FAAP20: variants seen among roughly 807,000 people sequenced by gnomAD.
FAAP20 encodes Fanconi anemia core complex-associated protein 20.
In FAAP20, 12 loss-of-function variants were observed where a neutral mutation model predicts 16.2. The ratio of observed to expected loss-of-function variants is 0.74; its 90% CI spans 0.48 to 1.20. The LOEUF (loss-of-function observed/expected upper bound fraction) is 1.20. Among genes scored for constraint, FAAP20 ranks in the 50% most tolerant of loss-of-function variants. The probability of loss-of-function intolerance (pLI) is 0.00; values close to 1 mark genes in which losing one functional copy is unlikely to be tolerated. For missense variants in FAAP20, 288 were observed against 245.8 expected (o/e 1.17, Z -1.15); for synonymous variants, 141 against 110.7 (o/e 1.27, Z -1.72).
downstream of FAAP20, among the ~76,000 whole-genome samples, chr1:2,186,487 T>G (rs533072849): frequency 8.8e-4 from 98 of 111,624 alleles, 1 homozygote; most frequent in African/African-American, 2.8e-3. Context: ...CCCGAGACCC[T>G]GGACACCCGC....
downstream of FAAP20, among the ~76,000 whole-genome samples, chr1:2,211,229 T>A (rs1310991729): frequency 8.3e-6 from 1 of 119,778 alleles, no homozygotes; most frequent in Non-Finnish European, 1.9e-5. Flanking sequence ...TTTCTTTCTT[T>A]TTTTTTTTTT....
upstream of FAAP20, among the ~76,000 whole-genome samples, chr1:2,202,289 C>T (rs1309815998): frequency 6.6e-6 from 1 of 152,146 alleles, no homozygotes; most frequent in Non-Finnish European, 1.5e-5. Flanking sequence ...CCATATGTGC[C>T]ACCGGACCCC....
chr1:2,202,916 G>A (rs1299843294), upstream of FAAP20, among the ~76,000 whole-genome samples: 3 of 152,160 alleles, frequency 2.0e-5, no homozygotes, highest in Non-Finnish European at 4.4e-5. Context: ...AGCAATTTCC[G>A]ACTTTGTGGT....
At chr1:2,204,471 G>C (rs1328585236), upstream of FAAP20, among the ~76,000 whole-genome samples, 2 of 152,234 alleles carry the variant, frequency 1.3e-5, no homozygotes, top group South Asian at 2.1e-4. Context: ...GGAGGACCAG[G>C]AAAAAGCCGC....
At chr1:2,193,271 ATCT>A in intron 3 of FAAP20, 1 of 409,598 alleles carries the variant, frequency 2.4e-6, no homozygotes, top group Non-Finnish European at 4.4e-6. Context: ...AAAAAAGACG[ATCT>A]TCATTTTTAA....
At chr1:2,197,953 C>T (rs535846008), upstream of FAAP20, 82 of 1,262,228 alleles carry the variant, frequency 6.5e-5, no homozygotes, top group South Asian at 1.0e-4. Flanking sequence ...GGAAGGGGAC[C>T]GGCCACTCAA....
At chr1:2,192,224 T>C (rs971429500) in intron 3 of FAAP20, 6 of 986,020 alleles carry the variant, frequency 6.1e-6, no homozygotes, top group South Asian at 9.4e-5. Flanking sequence ...CCCAAAGATA[T>C]GGGGCTTGTC....
upstream of FAAP20, chr1:2,197,909 A>G (rs564610173): frequency 4.7e-5 from 56 of 1,195,244 alleles, no homozygotes; most frequent in Non-Finnish European, 5.9e-5. Context: ...CCCGCCTGAC[A>G]GCTTCCCGAC....
downstream of FAAP20, among the ~76,000 whole-genome samples, chr1:2,185,791 C>T (rs114116988): frequency 0.014 from 2,079 of 152,322 alleles, 42 homozygotes; most frequent in African/African-American, 0.047. Flanking sequence ...AGTGCCTGCA[C>T]GATGCCTCGT....
In FAAP20 at chr1:2,189,600, C is replaced by T. The variant is rs974497876; in HGVS notation, c.*109G>A. The T allele has an allele frequency of 7.5e-6, 6 of 803,268 alleles. No homozygotes were observed. In the African/African-American group the frequency reaches 1.5e-4, roughly 20 times the overall value. The allele number at this position is 803,268 out of a possible 1,614,324, so 49.8% of individuals were successfully genotyped here. A position where few individuals can be genotyped will look rare whatever the true frequency, so the allele number is the denominator to read the frequency against. Reference sequence around the variant, plus strand: ...AGCCCGCCCTGCTTTAATGCGCATGCGGGGGAGCCGAGAGGCGGGGCTGCT... The same window carrying T: ...AGCCCGCCCTGCTTTAATGCGCATGTGGGGGAGCCGAGAGGCGGGGCTGCT... On this transcript the variant is annotated 3_prime_UTR_variant, in exon 4 of 4. Transcript: ENST00000378546.
At chr1:2,188,233 T>C (rs1204840709), downstream of FAAP20, among the ~76,000 whole-genome samples, 1 of 152,218 alleles carries the variant, frequency 6.6e-6, no homozygotes, top group East Asian at 1.9e-4. Flanking sequence ...CTGAAGACGC[T>C]GCTTTCTGTG....
At chr1:2,209,787 C>T (rs188439055), downstream of FAAP20, among the ~76,000 whole-genome samples, 33 of 152,338 alleles carry the variant, frequency 2.2e-4, no homozygotes, top group Non-Finnish European at 4.3e-4. Flanking sequence ...AGCCTCCCTC[C>T]TGCCCTGCTC....
At chr1:2,185,013 C>A, downstream of FAAP20, 1 of 1,609,880 alleles carries the variant, frequency 6.2e-7, no homozygotes. Flanking sequence ...GGTGTGAGGC[C>A]GCGTGCGTCT....
Position 2,194,110 on chromosome 1 carries a change from A to C in FAAP20, c.86T>G (p.Phe29Cys). Residue 29 changes from phenylalanine to cysteine, a missense_variant, in exon 2 of 4, where the codon TTT becomes TGT. Coordinates refer to ENST00000378546, the MANE Select transcript of FAAP20 (RefSeq NM_182533.4). ...CTCCCGCTCATCACCCCCCAGGAGA[A>C]ACCAGGGGCGGCCGCCAGAAGGCCT... The part of the protein sequence containing the change: ...AGGPSGGRPW[F>C]LLGGDERERL... 6.2e-7 allele frequency: 1 copy of C among 1,612,336 alleles called. No individual in the cohort carries two copies. Among genetic ancestry groups the C allele is most frequent in the Non-Finnish European group, 8.5e-7 (1 of 1,179,838 alleles).
downstream of FAAP20, among the ~76,000 whole-genome samples, chr1:2,211,422 TATATATA>T: frequency 6.9e-5 from 2 of 29,086 alleles, no homozygotes; most frequent in Admixed American, 3.8e-4. Context: ...TATATATATA[TATATATA>T]TATATATTTT....
downstream of FAAP20, chr1:2,186,103 C>G (rs944569086): frequency 2.9e-5 from 13 of 453,784 alleles, no homozygotes; most frequent in African/African-American, 2.2e-4. Flanking sequence ...TCTGAGCTCC[C>G]TGGGAGAGGG....
At chr1:2,197,919 C>T, upstream of FAAP20, 2 of 1,221,752 alleles carry the variant, frequency 1.6e-6, no homozygotes, top group Non-Finnish European at 2.1e-6. Context: ...AGCTTCCCGA[C>T]AGCTGCCTGC....
At chr1:2,187,998 AGT>A (rs1393535870), downstream of FAAP20, among the ~76,000 whole-genome samples, 1 of 152,160 alleles carries the variant, frequency 6.6e-6, no homozygotes, top group Non-Finnish European at 1.5e-5. Context: ...TTGGAATCAC[AGT>A]GTGTAGCATT....
chr1:2,185,239 C>T (rs1349382909), downstream of FAAP20: 4 of 709,608 alleles, frequency 5.6e-6, no homozygotes, highest in African/African-American at 1.7e-5. Flanking sequence ...GCTGTGCCTG[C>T]GTCGCGGCGG....
Sources: gnomAD v4.1 joint callset for allele counts (sites outside exome capture counted in the v4.1 genomes callset) on GRCh38, gnomAD v4.1.1 for gene constraint, MANE v1.5 for transcripts, NCBI Gene and HGNC (gene_info 2026-07-23, HGNC 2026-07-21) for gene names.